Variants in MACROD2 observed in about 807,000 individuals in gnomAD.
MACROD2 encodes the protein mono-ADP ribosylhydrolase 2, also known as ADP-ribose glycohydrolase MACROD2.
Under a neutral mutation model 70.4 loss-of-function variants are expected in MACROD2, and 36 were observed. That is an observed-to-expected ratio of 0.51 (90% confidence interval 0.39 to 0.68). The LOEUF is 0.68. MACROD2 is among the 30% of genes least tolerant of loss of function. MACROD2 has a pLI of 0.00. For synonymous variants in MACROD2, 172 were observed against 178.8 expected (o/e 0.96, Z 0.30); for missense variants, 496 against 538.4 (o/e 0.92, Z 0.78).
At chr20:15,548,403 T>C (rs1047884381) in intron 8 of MACROD2, among the ~76,000 whole-genome samples, 1 of 152,066 alleles carries the variant, frequency 6.6e-6, no homozygotes. Flanking sequence ...TTTGTTTTGT[T>C]TTGTTTTTTG....
chr20:15,103,896 G>A lies in MACROD2; in HGVS notation c.419-126044G>A, dbSNP rs192921435. Among the ~76,000 whole-genome samples the A allele has an allele frequency of 7.7e-4, 117 of 152,134 alleles. No homozygotes were observed. In the Middle Eastern group the frequency reaches 0.01, roughly 13 times the overall value. Reference sequence around the variant, plus strand: ...AGTGCAGGAATGAGGTTGTTGTGTCGGAAGTAAAAAGGAAGTTTGGTATAC... The same window carrying A: ...AGTGCAGGAATGAGGTTGTTGTGTCAGAAGTAAAAAGGAAGTTTGGTATAC... On this transcript the variant is annotated intron_variant, in intron 5 of 17. Coordinates refer to ENST00000684519, the MANE Select transcript of MACROD2 (RefSeq NM_001351661.2).
At chr20:14,290,772 G>A (rs2082380259) in intron 3 of MACROD2, among the ~76,000 whole-genome samples, 1 of 152,236 alleles carries the variant, frequency 6.6e-6, no homozygotes, top group Admixed American at 6.5e-5. Context: ...GCCTCCCAGA[G>A]TGCTGGGATT....
chr20:14,794,822 G>T (rs537441759), intron 5 of MACROD2, among the ~76,000 whole-genome samples: 1 of 152,094 alleles, frequency 6.6e-6, no homozygotes, highest in South Asian at 2.1e-4. Flanking sequence ...TTCTAGTGGA[G>T]ACAAGTAGAA....
chr20:15,602,898 T>C (rs1236084437), intron 8 of MACROD2, among the ~76,000 whole-genome samples: 1 of 151,682 alleles, frequency 6.6e-6, no homozygotes, highest in Admixed American at 6.6e-5. Flanking sequence ...CTTATAGTTT[T>C]TTTTTAATAT....
intron 5 of MACROD2, among the ~76,000 whole-genome samples, chr20:15,208,765 C>T (rs1414410600): frequency 6.6e-6 from 1 of 152,092 alleles, no homozygotes; most frequent in East Asian, 1.9e-4. Flanking sequence ...TTACTACTCC[C>T]CAGTTAGCTT....
rs1386417618 is a variant in MACROD2, at chr20:15,473,674, G to A, written c.572-26100G>A. 9.9e-5 allele frequency among the ~76,000 whole-genome samples: 15 copies of A among 152,090 alleles called. 1 individual carries two copies. On this transcript the variant is annotated intron_variant, in intron 7 of 17. Transcript: ENST00000684519. ...CTTGCATGCATTTTAAAAAATAATA[G>A]CTATTGGTTGTGCTACAGTGACTTT...
At chr20:15,785,042 C>G (rs375392599) in intron 8 of MACROD2, among the ~76,000 whole-genome samples, 5 of 151,258 alleles carry the variant, frequency 3.3e-5, no homozygotes, top group African/African-American at 1.2e-4. Flanking sequence ...GTCCCAGCTA[C>G]TCGGGAGGCT....
intron 7 of MACROD2, among the ~76,000 whole-genome samples, chr20:15,441,919 T>A (rs1358690857): frequency 6.6e-6 from 1 of 152,176 alleles, no homozygotes; most frequent in African/African-American, 2.4e-5. Context: ...GAGCAGTAAC[T>A]CTGGGAATAT....
intron 3 of MACROD2, among the ~76,000 whole-genome samples, chr20:14,415,851 C>CA (rs796460309): frequency 7.2e-5 from 11 of 152,252 alleles, no homozygotes; most frequent in African/African-American, 2.6e-4. Flanking sequence ...TTAAAATACT[C>CA]AAAGTCCAGC....
At chr20:15,505,884 T>C (rs2047420389) in intron 8 of MACROD2, among the ~76,000 whole-genome samples, 1 of 152,198 alleles carries the variant, frequency 6.6e-6, no homozygotes, top group Non-Finnish European at 1.5e-5. Context: ...TTTTTTTAAC[T>C]ATGCCTTTAG....
At chr20:14,978,445 G>C (rs2074763043) in intron 5 of MACROD2, among the ~76,000 whole-genome samples, 1 of 145,668 alleles carries the variant, frequency 6.9e-6, no homozygotes, top group Non-Finnish European at 1.5e-5. Context: ...CCACTAAGGA[G>C]TTACAAACCA....
chr20:14,305,560 T>A (rs968940658), intron 3 of MACROD2, among the ~76,000 whole-genome samples: 2 of 152,120 alleles, frequency 1.3e-5, no homozygotes, highest in African/African-American at 4.8e-5. Flanking sequence ...ATTGGTTTAG[T>A]TCACTGCCAT....
At chr20:15,839,108 T>C (rs1470855581) in intron 8 of MACROD2, among the ~76,000 whole-genome samples, 1 of 152,166 alleles carries the variant, frequency 6.6e-6, no homozygotes, top group Non-Finnish European at 1.5e-5. Flanking sequence ...AGCTTAAATC[T>C]CAAATGTTAG....
intron 6 of MACROD2, among the ~76,000 whole-genome samples, chr20:15,335,485 G>A (rs1432849510): frequency 7.2e-6 from 1 of 138,548 alleles, no homozygotes; most frequent in Admixed American, 7.2e-5. Context: ...TCTTTTTTTT[G>A]CTGTTCCTTT....
At chr20:14,435,447 T>C (rs1288876955) in intron 3 of MACROD2, among the ~76,000 whole-genome samples, 3 of 152,190 alleles carry the variant, frequency 2.0e-5, no homozygotes, top group African/African-American at 7.2e-5. Flanking sequence ...TTCAGCTCAC[T>C]GTGATAACGA....
At chr20:15,571,629 A>G (rs1211817303) in intron 8 of MACROD2, among the ~76,000 whole-genome samples, 1 of 152,118 alleles carries the variant, frequency 6.6e-6, no homozygotes, top group Non-Finnish European at 1.5e-5. Context: ...TATCTGTAGC[A>G]GATAATGGAA....
intron 4 of MACROD2, among the ~76,000 whole-genome samples, chr20:14,578,084 A>G (rs1220647756): frequency 6.6e-6 from 1 of 151,798 alleles, no homozygotes; most frequent in Non-Finnish European, 1.5e-5. Flanking sequence ...TTACATAGTC[A>G]GGAAATGGTA....
At chr20:14,875,690 T>C (rs563828715) in intron 5 of MACROD2, among the ~76,000 whole-genome samples, 1 of 152,210 alleles carries the variant, frequency 6.6e-6, no homozygotes, top group African/African-American at 2.4e-5. Flanking sequence ...TTTATGTCCA[T>C]GTGTGCCCAG....
At chr20:15,798,936 C>T (rs570216644) in intron 8 of MACROD2, among the ~76,000 whole-genome samples, 2 of 152,216 alleles carry the variant, frequency 1.3e-5, no homozygotes, top group East Asian at 3.9e-4. Flanking sequence ...GCTAGGTTTT[C>T]GGGGATAGAA....
Sources: allele counts gnomAD v4.1 joint callset (sites outside exome capture counted in the v4.1 genomes callset), GRCh38; gene constraint gnomAD v4.1.1; transcripts MANE v1.5; gene names NCBI Gene and HGNC (gene_info 2026-07-23, HGNC 2026-07-21).